RIMS1: variants seen among roughly 807,000 people sequenced by gnomAD.
RIMS1 encodes the protein regulating synaptic membrane exocytosis 1.
RIMS1 carries 83 observed loss-of-function variants against 214.1 expected under a neutral mutation model. The ratio of observed to expected loss-of-function variants is 0.39; its 90% CI spans 0.32 to 0.47. The LOEUF (loss-of-function observed/expected upper bound fraction) is 0.47. Ranked by LOEUF, RIMS1 falls within the 20% of genes least tolerant of loss-of-function variation. The pLI, the probability that RIMS1 is intolerant of heterozygous loss-of-function variation, is 0.99. For missense variants in RIMS1, 2,050 were observed against 2,161.8 expected (o/e 0.95, Z 1.03); for synonymous variants, 793 against 786.8 (o/e 1.01, Z -0.13).
At position 72,313,401 on chromosome 6, in the gene RIMS1, G is replaced by A. The variant is rs776295615; in HGVS notation, c.3964-105G>A. 8.9e-6 allele frequency: 8 copies of A among 895,874 alleles called. No homozygotes were observed. In the Admixed American group the frequency reaches 1.5e-4, roughly 17 times the overall value. 55.5% of individuals were successfully genotyped at this position (895,874 alleles called of 1,614,324 possible). ...TAGATATTACAGCTACTCTTATGAA[G>A]GTACACCTTTATTTGGTGTGGGCTA... On this transcript the variant is annotated intron_variant, in intron 27 of 33. Transcript: ENST00000521978.
At chr6:72,284,692 T>TAG (rs2091668307) in intron 24 of RIMS1, among the ~76,000 whole-genome samples, 1 of 152,184 alleles carries the variant, frequency 6.6e-6, no homozygotes, top group Non-Finnish European at 1.5e-5. Flanking sequence ...GACACTTTTT[T>TAG]TTTTAACATA....
chr6:72,136,743 T>G (rs2041348664), intron 4 of RIMS1, among the ~76,000 whole-genome samples: 1 of 152,054 alleles, frequency 6.6e-6, no homozygotes, highest in Non-Finnish European at 1.5e-5. Flanking sequence ...ACTCAGTGTA[T>G]CAAACAAGTA....
chr6:71,946,691 C>G (rs921906398), intron 1 of RIMS1, among the ~76,000 whole-genome samples: 1 of 151,930 alleles, frequency 6.6e-6, no homozygotes, highest in Non-Finnish European at 1.5e-5. Context: ...ACAAGAAAAA[C>G]TTAGAGGAAA....
At chr6:71,938,423 G>C (rs1785085764) in intron 1 of RIMS1, among the ~76,000 whole-genome samples, 1 of 152,186 alleles carries the variant, frequency 6.6e-6, no homozygotes, top group Non-Finnish European at 1.5e-5. Context: ...CCCCACAATA[G>C]TTTCTGTCCA....
At chr6:72,182,227 T>C in intron 5 of RIMS1, 57 bp from the exon 6 acceptor site, 2 of 1,482,192 alleles carry the variant, frequency 1.3e-6, no homozygotes. Context: ...AGAAAACATG[T>C]TTTTTATGTC....
chr6:72,227,241 A>G lies in RIMS1; in HGVS notation c.1679-6532A>G, dbSNP rs139913653. On this transcript the variant is annotated intron_variant, in intron 6 of 33. Transcript: ENST00000521978. ...AGTAAACTGCTGGGTAGAAAAATATATTTTTCTTAGTTTGTACGTGCTATT... is the reference window on the plus strand; with the variant it reads ...AGTAAACTGCTGGGTAGAAAAATATGTTTTTCTTAGTTTGTACGTGCTATT... Among the ~76,000 whole-genome samples the G allele has an allele frequency of 2.2e-4, 33 of 152,080 alleles. 1 individual carries two copies. The East Asian group carries it at 6.4e-3, about 29-fold the overall frequency.
Position 72,175,268 on chromosome 6 carries a change from GAA to G in RIMS1, c.472-4304_472-4303del, listed in dbSNP as rs1442738101. 2.7e-4 allele frequency: 52 copies of G among 195,644 alleles called. 1 individual carries two copies. In the South Asian group the frequency reaches 3.5e-3, roughly 13 times the overall value. The allele number at this position is 195,644 out of a possible 1,614,324, so 12.1% of individuals were successfully genotyped here. On this transcript the variant is annotated intron_variant, in intron 4 of 33. Coordinates refer to ENST00000521978, the MANE Select transcript of RIMS1 (RefSeq NM_014989.7). ...AAATTTATCTGTAAAAGTATCAAAT[GAA>G]AATTGAATCACAATCTCTTTTTCTA...
At position 72,093,047 on chromosome 6, in the gene RIMS1, A is replaced by C. The variant is rs78641418; in HGVS notation, c.246-3902A>C. Among the ~76,000 whole-genome samples the C allele has an allele frequency of 8.8e-3, 1,345 of 152,182 alleles. 17 individuals carry two copies. The highest frequency in any genetic ancestry group is 0.031 in the African/African-American group (1,281 of 41,528). On this transcript the variant is annotated intron_variant, in intron 2 of 33. Coordinates refer to ENST00000521978, the MANE Select transcript of RIMS1 (RefSeq NM_014989.7). ...CTTTCTAATATTAAATCATTCATAC[A>C]TACAAAACAGTATTATAAAACATAC...
intron 4 of RIMS1, among the ~76,000 whole-genome samples, chr6:72,169,135 T>C (rs1362417611): frequency 6.6e-6 from 1 of 152,226 alleles, no homozygotes; most frequent in Non-Finnish European, 1.5e-5. Flanking sequence ...GAAATTATGA[T>C]TTTAGAGTCA....
At chr6:72,128,463 C>A (rs1307352250) in intron 4 of RIMS1, among the ~76,000 whole-genome samples, 2 of 151,720 alleles carry the variant, frequency 1.3e-5, no homozygotes, top group African/African-American at 2.4e-5. Flanking sequence ...TACAGAGCTT[C>A]CCTATACCCA....
chr6:71,987,035 C>T (rs189723399), intron 2 of RIMS1, among the ~76,000 whole-genome samples: 1 of 152,288 alleles, frequency 6.6e-6, no homozygotes, highest in East Asian at 1.9e-4. Context: ...TTTATATTTA[C>T]ATGACATACA....
At chr6:71,999,527 T>A (rs1287881184) in intron 2 of RIMS1, among the ~76,000 whole-genome samples, 1 of 152,184 alleles carries the variant, frequency 6.6e-6, no homozygotes, top group Non-Finnish European at 1.5e-5. Context: ...TTCAGAATTC[T>A]GTTGATTCTG....
intron 2 of RIMS1, among the ~76,000 whole-genome samples, chr6:72,072,770 G>C (rs1830873559): frequency 6.6e-6 from 1 of 152,088 alleles, no homozygotes; most frequent in African/African-American, 2.4e-5. Context: ...CTTAACTCCT[G>C]GGTGATTCAG....
intron 28 of RIMS1, among the ~76,000 whole-genome samples, chr6:72,318,125 A>G (rs2095916437): frequency 6.6e-6 from 1 of 152,202 alleles, no homozygotes; most frequent in Admixed American, 6.5e-5. Flanking sequence ...TTATACTCAC[A>G]TAAACAGCAA....
rs867204317 is a variant in RIMS1 at position 72,246,311 on chromosome 6, G to A, written c.2128+450G>A. 3.7e-4 allele frequency among the ~76,000 whole-genome samples: 56 copies of A among 152,198 alleles called. 1 individual carries two copies. The highest frequency in any genetic ancestry group is 1.3e-3 in the African/African-American group (54 of 41,532). The stretch of plus-strand genomic sequence containing the variant: ...GTGTGGATTGATTTTGGAAGTGAAT[G>A]GGTGGAGTAAACTTCATTAAACATA... On this transcript the variant is annotated intron_variant, in intron 11 of 33. Transcript: ENST00000521978.
At chr6:72,095,114 C>CTTTTTTTTTTT in intron 2 of RIMS1, among the ~76,000 whole-genome samples, 1 of 56,772 alleles carries the variant, frequency 1.8e-5, no homozygotes, top group Non-Finnish European at 3.6e-5. Flanking sequence ...CCACGCCCGA[C>CTTTTTTTTTTT]TATTTTTTTT....
At chr6:72,397,665 T>C (rs1490247248) in intron 31 of RIMS1, among the ~76,000 whole-genome samples, 1 of 152,210 alleles carries the variant, frequency 6.6e-6, no homozygotes, top group Admixed American at 6.5e-5. Flanking sequence ...TTACATACAC[T>C]GCACTATAAA....
chr6:72,124,933 T>C (rs1472342440), intron 4 of RIMS1, among the ~76,000 whole-genome samples: 1 of 152,200 alleles, frequency 6.6e-6, no homozygotes, highest in Non-Finnish European at 1.5e-5. Flanking sequence ...CATCCTCCTT[T>C]AGCTCGAAGA....
At chr6:72,050,324 G>A (rs1562203670) in intron 2 of RIMS1, among the ~76,000 whole-genome samples, 1 of 152,130 alleles carries the variant, frequency 6.6e-6, no homozygotes, top group Non-Finnish European at 1.5e-5. Flanking sequence ...TTCTCCTGCT[G>A]TTATTCTCCT....
Sources: gnomAD v4.1 joint callset for allele counts (sites outside exome capture counted in the v4.1 genomes callset) on GRCh38, gnomAD v4.1.1 for gene constraint, MANE v1.5 for transcripts, NCBI Gene and HGNC (gene_info 2026-07-23, HGNC 2026-07-21) for gene names.